The following ETV5 variants were observed in gnomAD, a reference collection of about 807,000 sequenced individuals.
ETV5 encodes the protein ETS variant transcription factor 5, also known as ETS translocation variant 5.
In ETV5, 10 loss-of-function variants were observed where a neutral mutation model predicts 70.0. The ratio of observed to expected loss-of-function variants is 0.14; its 90% confidence interval spans 0.09 to 0.24. The LOEUF is 0.24. Ranked by LOEUF, ETV5 falls within the 10% of genes least tolerant of loss-of-function variation. The pLI is 1.00. For missense variants in ETV5, 453 were observed against 651.2 expected, an observed-to-expected ratio of 0.70 and a Z score of 3.31; for synonymous variants, 216 against 242.2, an observed-to-expected ratio of 0.89 and a Z score of 1.01.
chr3:186,102,906 T>C (rs987943095), intron 5 of ETV5, among the ~76,000 whole-genome samples: 1 of 152,300 alleles, frequency 6.6e-6, no homozygotes, highest in Non-Finnish European at 1.5e-5. Flanking sequence ...CTTCTGGCTG[T>C]TGGTCTGAAC....
Position 186,057,362 on chromosome 3 carries a change from T to G in ETV5, c.1039+61A>C, listed in dbSNP as rs1232015206. ...CTGGACTTGGGAAGAGAGTCATGGC[T>G]GAGGTGTTCTGACACCTCCAAACCT... On this transcript the variant is annotated intron_variant, in intron 10 of 12. Transcript: ENST00000306376. This position sits in a 1 kb window ranked among gnomAD's most constrained non-coding sequence, Gnocchi z 4.9. 6.3e-7 allele frequency: 1 copy of G among 1,599,416 alleles called. No individual in the cohort carries two copies. Among genetic ancestry groups the G allele is most frequent in the Non-Finnish European group, 8.6e-7 (1 of 1,166,830 alleles).
At chr3:186,087,368 A>C (rs1481477026) in intron 5 of ETV5, among the ~76,000 whole-genome samples, 1 of 152,362 alleles carries the variant, frequency 6.6e-6, no homozygotes, top group Middle Eastern at 3.4e-3. Flanking sequence ...AAGGGGGCAC[A>C]GGAGTCTTCT....
intron 5 of ETV5, among the ~76,000 whole-genome samples, chr3:186,083,459 G>A (rs1283737349): frequency 6.6e-6 from 1 of 152,126 alleles, no homozygotes; most frequent in Non-Finnish European, 1.5e-5. Context: ...TACCAATTTT[G>A]CTGACAAGTC....
chr3:186,085,795 C>A (rs1200363625), intron 5 of ETV5, among the ~76,000 whole-genome samples: 1 of 152,190 alleles, frequency 6.6e-6, no homozygotes, highest in Non-Finnish European at 1.5e-5. Flanking sequence ...CAGGCGTGAG[C>A]CACCGTACCC....
rs755626993 is a variant in ETV5 at position 186,105,815 on chromosome 3, T to C, written c.45+9A>G. ...AGGACAAAACAAACCAAAAGCCACA[T>C]AAACTTACCCCTGGGACCATAAAAG... On this transcript the variant is annotated intron_variant, in intron 2 of 12. Transcript: ENST00000306376. This position sits in a 1 kb window ranked among gnomAD's most constrained non-coding sequence, Gnocchi z 4.5. 6 of 1,613,510 alleles carry C rather than the reference T, an allele frequency of 3.7e-6. No homozygotes were observed. In the African/African-American group the frequency reaches 8.0e-5, roughly 22 times the overall value.
rs773347370 is a variant in ETV5 at position 186,105,100 on chromosome 3, C to G, written c.232+205G>C. On this transcript the variant is annotated intron_variant, in intron 5 of 12. Coordinates refer to ENST00000306376, the MANE Select transcript of ETV5 (RefSeq NM_004454.3). This position sits in a 1 kb window ranked among gnomAD's most constrained non-coding sequence, Gnocchi z 4.5. Reference sequence around the variant, plus strand: ...TAGGATAAAATTATGTTCAGTAAATCTTACCTGCAATACAGTAGAAATACT... The same window carrying G: ...TAGGATAAAATTATGTTCAGTAAATGTTACCTGCAATACAGTAGAAATACT... The G allele has an allele frequency of 6.3e-6, 3 of 476,648 alleles. No individual in the cohort carries two copies. Among genetic ancestry groups the G allele is most frequent in the Non-Finnish European group, 1.1e-5 (3 of 273,854 alleles). The allele number at this position is 476,648 out of a possible 1,614,324, so 29.5% of individuals were successfully genotyped here.
chr3:186,105,607 C>A lies in ETV5; in HGVS notation c.133+18G>T, dbSNP rs1366530256. On this transcript the variant is annotated intron_variant, in intron 3 of 12. Coordinates refer to ENST00000306376, the MANE Select transcript of ETV5 (RefSeq NM_004454.3). The surrounding 1 kb of genome is among the most constrained non-coding windows in gnomAD (Gnocchi z 4.5). ...GGGAGCAGGGAAGCCACAACATAAT[C>A]AGGGAAAGCTTTACTACCTTCAGAA... is the stretch of plus-strand genomic sequence containing the variant. 3 of 1,614,052 alleles carry A rather than the reference C, an allele frequency of 1.9e-6. No homozygotes were observed. The highest frequency in any genetic ancestry group is 2.5e-6 in the Non-Finnish European group (3 of 1,179,910).
chr3:186,073,884 A>G (rs911041779), intron 7 of ETV5, among the ~76,000 whole-genome samples: 7 of 152,246 alleles, frequency 4.6e-5, no homozygotes, highest in African/African-American at 1.4e-4. Context: ...CCCAGCCTTA[A>G]GAGAAATTTT....
chr3:186,075,089 A>C lies in ETV5; in HGVS notation c.650+4728T>G, dbSNP rs376899773. Among the ~76,000 whole-genome samples, 26 of 152,340 alleles carry C rather than the reference A, an allele frequency of 1.7e-4. 1 individual carries two copies. Among genetic ancestry groups the C allele is most frequent in the African/African-American group, 6.3e-4 (26 of 41,578 alleles). On this transcript the variant is annotated intron_variant, in intron 7 of 12. Transcript: ENST00000306376. The stretch of plus-strand genomic sequence containing the variant: ...AGGAAATGTCCTTTAGCTTGTTAAA[A>C]GGTAACAAGAAGCCTACAGTAAACA...
Position 186,048,567 on chromosome 3 carries a change from A to G in ETV5, c.*72T>C. 7.1e-7 allele frequency: 1 copy of G among 1,406,548 alleles called. No homozygotes were observed. Among genetic ancestry groups the G allele is most frequent in the Non-Finnish European group, 1.0e-6 (1 of 1,000,030 alleles). 87.1% of individuals were successfully genotyped at this position (1,406,548 alleles called of 1,614,324 possible). ...TTTAGGAACAACCAAAAACACAAACAAAACCACTGCCCTTGTTTGCCTGAA... is the reference window on the plus strand; with the variant it reads ...TTTAGGAACAACCAAAAACACAAACGAAACCACTGCCCTTGTTTGCCTGAA... On this transcript the variant is annotated 3_prime_UTR_variant, in exon 13 of 13. Coordinates refer to ENST00000306376, the MANE Select transcript of ETV5 (RefSeq NM_004454.3).
chr3:186,108,538 C>A (rs1714652751), intron 1 of ETV5: 1 of 1,284,010 alleles, frequency 7.8e-7, no homozygotes, highest in Non-Finnish European at 1.0e-6. Flanking sequence ...GCCCCCTCCT[C>A]CCAACTGCGG....
intron 9 of ETV5, among the ~76,000 whole-genome samples, chr3:186,058,862 A>G (rs555078776): frequency 1.3e-5 from 2 of 151,932 alleles, no homozygotes; most frequent in South Asian, 4.2e-4. Context: ...AAATACAAAA[A>G]ATTAGCCGGG....
chr3:186,103,660 CACACACACACTT>C (rs1294740800), intron 5 of ETV5, among the ~76,000 whole-genome samples: 6 of 96,740 alleles, frequency 6.2e-5, no homozygotes, highest in African/African-American at 1.6e-4. Context: ...CACACACACA[CACACACACACTT>C]GGATTATCTT....
At chr3:186,059,031 T>TAAAAA (rs1578539137) in intron 9 of ETV5, among the ~76,000 whole-genome samples, 13 of 148,822 alleles carry the variant, frequency 8.7e-5, no homozygotes, top group Non-Finnish European at 1.6e-4. Flanking sequence ...AAAAATAAAA[T>TAAAAA]AAAAATAAAA....
chr3:186,066,130 T>C, intron 7 of ETV5, 58 bp from the exon 8 acceptor site: 3 of 1,462,640 alleles, frequency 2.1e-6, no homozygotes, highest in African/African-American at 1.4e-5. Context: ...CCTACTATGA[T>C]TGAGCACTGG....
chr3:186,056,193 AAACAGT>A (rs1713158829), intron 11 of ETV5, among the ~76,000 whole-genome samples: 1 of 152,204 alleles, frequency 6.6e-6, no homozygotes, highest in African/African-American at 2.4e-5. Context: ...CTGGGCACAA[AAACAGT>A]AACAGTGTTT....
At chr3:186,081,796 T>C (rs781048121) in intron 5 of ETV5, among the ~76,000 whole-genome samples, 6 of 152,194 alleles carry the variant, frequency 3.9e-5, no homozygotes, top group Non-Finnish European at 8.8e-5. Flanking sequence ...GAAAGGCTAA[T>C]GAATACAGAA....
intron 1 of ETV5, chr3:186,108,312 C>G (rs1714645417): frequency 2.2e-6 from 1 of 455,610 alleles, no homozygotes; most frequent in South Asian, 1.6e-5. Context: ...CGGTGCGCCC[C>G]GATTTTCTCG....
Position 186,057,431 on chromosome 3 carries a change from C to A in ETV5, c.1031G>T (p.Arg344Ile). Residue 344 changes from arginine (R) to isoleucine (I), a missense_variant, in exon 10 of 13, where the codon AGA becomes ATA. Arg to Ile is a moderately conservative substitution (Grantham distance 97). This residue lies in a region of ETV5 where 307 missense variants were observed against 344.9 expected (regional missense o/e 0.89). Coordinates refer to ENST00000306376, the MANE Select transcript of ETV5 (RefSeq NM_004454.3). The surrounding 1 kb of genome is among the most constrained non-coding windows in gnomAD (Gnocchi z 4.9). The stretch of plus-strand genomic sequence containing the variant: ...TGGATGGGGCTACTTACCTTCCAGT[C>A]TCTCAGGCACAACACAAGTGTCGTC... ...YFDDTCVVPE[R>I]LEGKVKQEPT... is the part of the protein sequence containing the mutation. 1 of 1,614,088 alleles carries A rather than the reference C, an allele frequency of 6.2e-7. No individual in the cohort carries two copies. The highest frequency in any genetic ancestry group is 1.1e-5 in the South Asian group (1 of 91,058).
Sources: gnomAD v4.1 joint callset for allele counts (sites outside exome capture counted in the v4.1 genomes callset) on GRCh38, gnomAD v4.1.1 for gene constraint, gnomAD v4.1.1 regional missense constraint, Gnocchi (gnomAD v3.1) non-coding constraint, MANE v1.5 for transcripts, NCBI Gene and HGNC (gene_info 2026-07-23, HGNC 2026-07-21) for gene names.